The following CUBN variants were observed in gnomAD, a reference collection of about 807,000 sequenced individuals.
The protein encoded by CUBN is 460 kDa receptor.
A neutral mutation model predicts 405.3 loss-of-function variants in CUBN; 282 were observed. That is an observed-to-expected ratio of 0.70 (90% CI 0.63 to 0.77). The LOEUF (loss-of-function observed/expected upper bound fraction) is 0.77, where lower values mean the gene tolerates loss of function less well. Among genes scored for constraint, CUBN ranks in the 30% least tolerant of loss-of-function variants. The pLI, the probability that CUBN is intolerant of heterozygous loss-of-function variation, is 0.00. For synonymous variants in CUBN, 1,684 were observed against 1,617.0 expected (o/e 1.04, Z -0.99); for missense variants, 4,514 against 4,475.2 (o/e 1.01, Z -0.25).
rs772487756 is a variant in CUBN, at chr10:16,877,002, C to A, written c.9001G>T (p.Asp3001Tyr). 1 of 1,613,968 alleles carries A rather than the reference C, an allele frequency of 6.2e-7. No homozygotes were observed. The highest frequency in any genetic ancestry group is 2.2e-5 in the East Asian group (1 of 44,882). Residue 3001 changes from aspartate to tyrosine, a missense_variant, in exon 57 of 67, where the codon GAT becomes TAT. Asp to Tyr is a radical substitution (Grantham distance 160). Transcript: ENST00000377833. ...MSTPFATVCG[D>Y]EMPAPLTIAG... ...ATGGTGAGGGGAGCTGGCATCTCAT[C>A]CCCACACACAGTAGCAAATGGGGTG...
chr10:16,990,628 G>A (rs139822165), intron 28 of CUBN, 113 bp from the exon 29 acceptor site: 7 of 818,110 alleles, frequency 8.6e-6, no homozygotes, highest in Non-Finnish European at 1.2e-5. Context: ...TAATTTAGGA[G>A]AAAACCGTTA....
intron 59 of CUBN, among the ~76,000 whole-genome samples, chr10:16,863,878 A>C (rs1840087484): frequency 6.6e-6 from 1 of 152,154 alleles, no homozygotes; most frequent in African/African-American, 2.4e-5. Flanking sequence ...GACATTTTCC[A>C]GATGTTAAGG....
Position 16,948,597 on chromosome 10 carries a change from C to T in CUBN, c.5090G>A (p.Cys1697Tyr). The change falls in exon 35 of 67, where the codon TGT becomes TAT. Residue 1697 changes from cysteine (C) to tyrosine (Y), a missense_variant. By Grantham distance (194) the Cys-to-Tyr change is radical. This residue lies in a region of CUBN where 1,613 missense variants were observed against 1,542.8 expected (regional missense o/e 1.05). Transcript: ENST00000377833. ...HEDAPLRGRY[C>Y]GTDMPHPITS... ...GATAGGATGGGGCATGTCGGTGCCA[C>T]AGTAACGGCCTAAATAATGAAGATA... 6.2e-7 allele frequency: 1 copy of T among 1,613,814 alleles called. No individual in the cohort carries two copies.
chr10:17,017,782 G>A (rs552415613), intron 28 of CUBN, among the ~76,000 whole-genome samples: 1 of 152,242 alleles, frequency 6.6e-6, no homozygotes, highest in Admixed American at 6.5e-5. Flanking sequence ...ATTCTTACAG[G>A]AGAACCTAGA....
At chr10:17,093,295 C>T (rs2356827) in intron 14 of CUBN, among the ~76,000 whole-genome samples, 81,379 of 151,338 alleles carry the variant, frequency 0.54, 22,457 homozygotes, top group East Asian at 0.67. Context: ...AGAACAGTTT[C>T]GGAGGGGAGG....
Position 17,071,609 on chromosome 10 carries a change from A to G in CUBN, c.2447-5T>C. The G allele has an allele frequency of 6.2e-7, 1 of 1,612,946 alleles. No homozygotes were observed. ...CAGTTAATTCATCCCCGCAAGCTGT[A>G]AGCATAAAAATTATAGTAGTGCTTG... On this transcript the variant is annotated splice_region_variant and splice_polypyrimidine_tract_variant and intron_variant, in intron 18 of 66. Coordinates refer to ENST00000377833, the MANE Select transcript of CUBN (RefSeq NM_001081.4).
chr10:17,077,384 A>C (rs778116870), intron 17 of CUBN, among the ~76,000 whole-genome samples: 1 of 152,210 alleles, frequency 6.6e-6, no homozygotes, highest in South Asian at 2.1e-4. Context: ...CACCATTTAC[A>C]TGAAATTTTA....
intron 60 of CUBN, among the ~76,000 whole-genome samples, chr10:16,848,024 C>T (rs1446227053): frequency 6.6e-6 from 1 of 152,046 alleles, no homozygotes; most frequent in Non-Finnish European, 1.5e-5. Flanking sequence ...GAAACGTTGC[C>T]AATGGAAGGA....
chr10:17,075,073 CTTTTTTTTTTTT>C (rs957929670), intron 17 of CUBN, among the ~76,000 whole-genome samples: 14 of 65,320 alleles, frequency 2.1e-4, no homozygotes, highest in Middle Eastern at 0.014. Context: ...TCTTTGTTTT[CTTTTTTTTTTTT>C]TTTTTTTTTT....
intron 19 of CUBN, among the ~76,000 whole-genome samples, chr10:17,069,714 T>C (rs1054423819): frequency 1.3e-4 from 20 of 152,172 alleles, no homozygotes; most frequent in African/African-American, 4.8e-4. Context: ...CAGCTATTTT[T>C]AAAATTTTTT....
At chr10:17,119,082 A>G (rs1396294967) in intron 6 of CUBN, among the ~76,000 whole-genome samples, 1 of 152,208 alleles carries the variant, frequency 6.6e-6, no homozygotes, top group African/African-American at 2.4e-5. Flanking sequence ...GTTCAATACT[A>G]ATTTTACTGA....
intron 59 of CUBN, among the ~76,000 whole-genome samples, chr10:16,852,911 T>G (rs1046742370): frequency 6.6e-6 from 1 of 152,200 alleles, no homozygotes; most frequent in African/African-American, 2.4e-5. Flanking sequence ...CAGTTTATAT[T>G]CAGCCACACT....
chr10:17,064,691 T>C (rs1835573927), intron 22 of CUBN, among the ~76,000 whole-genome samples: 1 of 152,162 alleles, frequency 6.6e-6, no homozygotes, highest in South Asian at 2.1e-4. Flanking sequence ...GACTCCTTCA[T>C]CAATCCCATG....
intron 64 of CUBN, 152 bp downstream of exon 64, chr10:16,834,862 G>A (rs1299109505): frequency 1.2e-5 from 11 of 904,466 alleles, no homozygotes; most frequent in Non-Finnish European, 1.9e-5. Flanking sequence ...CTGGTGCTCT[G>A]TAGATGTTTA....
In CUBN at chr10:17,084,480, C is replaced by A. The variant is rs200734388; in HGVS notation, c.2111-19G>T. The A allele has an allele frequency of 1.9e-6, 3 of 1,609,196 alleles. No homozygotes were observed. Among genetic ancestry groups the A allele is most frequent in the South Asian group, 2.2e-5 (2 of 90,536 alleles). On this transcript the variant is annotated intron_variant, in intron 16 of 66. Coordinates refer to ENST00000377833, the MANE Select transcript of CUBN (RefSeq NM_001081.4). ...AGATCCGCTAAGAACAGGGAAGAGA[C>A]GAACAGGTCATGGCAATGGCATTGC...
At chr10:16,929,722 C>T (rs1448484683) in intron 40 of CUBN, among the ~76,000 whole-genome samples, 1 of 152,088 alleles carries the variant, frequency 6.6e-6, no homozygotes, top group East Asian at 1.9e-4. Flanking sequence ...ATAGTAAGTG[C>T]ACTTCATTAT....
intron 43 of CUBN, among the ~76,000 whole-genome samples, chr10:16,921,705 C>G (rs768659140): frequency 3.3e-5 from 5 of 152,220 alleles, no homozygotes; most frequent in Admixed American, 6.5e-5. Context: ...CCTGACATTG[C>G]TGGAGGCCCT....
chr10:17,063,400 C>T (rs976636940), intron 22 of CUBN, among the ~76,000 whole-genome samples: 3 of 152,132 alleles, frequency 2.0e-5, no homozygotes, highest in Non-Finnish European at 2.9e-5. Context: ...CAAATAGAGG[C>T]CAAAGTAATG....
chr10:16,876,867 A>G (rs1564398638), intron 57 of CUBN, 30 bp downstream of exon 57: 1 of 1,595,718 alleles, frequency 6.3e-7, no homozygotes, highest in Admixed American at 1.7e-5. Context: ...AAAGAAGAAA[A>G]TTCCAAACTC....
Sources: gnomAD v4.1 joint callset for allele counts (sites outside exome capture counted in the v4.1 genomes callset) on GRCh38, gnomAD v4.1.1 for gene constraint, gnomAD v4.1.1 regional missense constraint, MANE v1.5 for transcripts, NCBI Gene and HGNC (gene_info 2026-07-23, HGNC 2026-07-21) for gene names.